The following NMD3 variants were observed in gnomAD, a reference collection of about 807,000 sequenced individuals.
The protein encoded by NMD3 is NMD3 ribosome export adaptor.
Under a neutral mutation model 73.1 loss-of-function variants are expected in NMD3, and 47 were observed. The observed-to-expected ratio is 0.64, with a 90% confidence interval of 0.51 to 0.82. NMD3 has a LOEUF of 0.82. NMD3 is among the 40% of genes least tolerant of loss of function. NMD3 has a pLI of 0.00. For synonymous variants in NMD3, 210 were observed against 194.5 expected (o/e 1.08, Z -0.66); for missense variants, 554 against 612.5 (o/e 0.90, Z 1.01).
chr3:161,250,213 A>G, intron 14 of NMD3, 43 bp from the exon 15 acceptor site: 1 of 1,091,592 alleles, frequency 9.2e-7, no homozygotes, highest in Non-Finnish European at 1.4e-6. Flanking sequence ...AAGAAAATAT[A>G]ACTATATTTT....
chr3:161,235,147 A>C lies in NMD3; in HGVS notation c.512A>C (p.Tyr171Ser). ...ACTTTGCATAAAAAAACTTTCTACT[A>C]TCTGGAACAGTTAATTCTGAAATAT... ...QKTLHKKTFY[Y>S]LEQLILKYGM... Residue 171 changes from tyrosine (Y) to serine (S), a missense_variant, in exon 7 of 16, where the codon TAT becomes TCT. Tyr to Ser is a moderately radical substitution (Grantham distance 144). Coordinates refer to ENST00000351193, the MANE Select transcript of NMD3 (RefSeq NM_015938.5). The C allele has an allele frequency of 1.3e-6, 2 of 1,537,224 alleles. No homozygotes were observed. The highest frequency in any genetic ancestry group is 1.8e-6 in the Non-Finnish European group (2 of 1,123,414).
At chr3:161,235,464 A>G (rs781603731) in intron 7 of NMD3, 1 of 249,488 alleles carries the variant, frequency 4.0e-6, no homozygotes, top group Non-Finnish European at 7.7e-6. Flanking sequence ...TTTTCTGCTA[A>G]TGTCAAACAT....
chr3:161,240,557 C>G lies in NMD3; in HGVS notation c.754-489C>G, dbSNP rs184868801. 5.9e-3 allele frequency among the ~76,000 whole-genome samples: 507 copies of G among 86,142 alleles called. 1 individual carries two copies. The highest frequency in any genetic ancestry group is 8.8e-3 in the Admixed American group (56 of 6,358). The allele number at this position is 86,142 out of a possible 152,430, so 56.5% of individuals were successfully genotyped here. On this transcript the variant is annotated intron_variant, in intron 9 of 15. Transcript: ENST00000351193. ...TTTTTTTTTTTGAGAGACAGTTTTG[C>G]TCTGTCACCTAGGCTAGAGTGCAGT... is the stretch of plus-strand genomic sequence containing the variant.
Position 161,235,389 on chromosome 3 carries a change from C to T in NMD3, c.577+177C>T, listed in dbSNP as rs1172952701. ...TGCACTGTCCAGTATGGTATAGTCA[C>T]TAGCCACATTTGGCTGTTGAGTACT... On this transcript the variant is annotated intron_variant, in intron 7 of 15. Transcript: ENST00000351193. 12 of 359,068 alleles carry T rather than the reference C, an allele frequency of 3.3e-5. No individual in the cohort carries two copies. In the East Asian group the frequency reaches 3.8e-4, roughly 11 times the overall value. 22.2% of individuals were successfully genotyped at this position (359,068 alleles called of 1,614,324 possible).
At chr3:161,242,789 C>G (rs1212408304) in intron 11 of NMD3, 136 bp downstream of exon 11, 5 of 485,450 alleles carry the variant, frequency 1.0e-5, no homozygotes, top group Non-Finnish European at 1.6e-5. Flanking sequence ...GAAAAAAATT[C>G]TTTTTTTTTT....
chr3:161,253,371 A>G (rs1267207136), downstream of NMD3: 1 of 152,162 alleles, frequency 6.6e-6, no homozygotes, highest in African/African-American at 2.4e-5. Context: ...TTTTAAAAAT[A>G]TTTTTAATTA....
intron 4 of NMD3, among the ~76,000 whole-genome samples, chr3:161,228,796 AG>A (rs1207958638): frequency 1.3e-5 from 2 of 152,216 alleles, no homozygotes; most frequent in Non-Finnish European, 2.9e-5. Context: ...CTAACATGCC[AG>A]TGTGGAGCAG....
chr3:161,240,700 T>C (rs1233194742), intron 9 of NMD3, among the ~76,000 whole-genome samples: 1 of 151,352 alleles, frequency 6.6e-6, no homozygotes, highest in Admixed American at 6.6e-5. Flanking sequence ...AATTAAAATA[T>C]ATATATATAT....
chr3:161,221,978 T>TA lies in NMD3; in HGVS notation c.-20-16_-20-15insA. ...ATTCTCTTTTTTTTTTTTTTTTTTTTTTTTTTTTTTAAAAGAACTTAAGGC... is the reference window on the plus strand; with the variant it reads ...ATTCTCTTTTTTTTTTTTTTTTTTTTATTTTTTTTTTAAAAGAACTTAAGGC... On this transcript the variant is annotated splice_polypyrimidine_tract_variant and intron_variant, in intron 1 of 15. Coordinates refer to ENST00000351193, the MANE Select transcript of NMD3 (RefSeq NM_015938.5). 8.0e-7 allele frequency: 1 copy of TA among 1,243,210 alleles called. No homozygotes were observed. Among genetic ancestry groups the TA allele is most frequent in the Middle Eastern group, 2.2e-4 (1 of 4,646 alleles). 77.0% of individuals were successfully genotyped at this position (1,243,210 alleles called of 1,614,324 possible). A position where few individuals can be genotyped will look rare whatever the true frequency, so the allele number is the denominator to read the frequency against.
chr3:161,227,315 T>G lies in NMD3; in HGVS notation c.248T>G (p.Leu83Trp), dbSNP rs374116167. 6 of 1,612,422 alleles carry G rather than the reference T, an allele frequency of 3.7e-6. No homozygotes were observed. Among genetic ancestry groups the G allele is most frequent in the South Asian group, 1.1e-5 (1 of 91,012 alleles). The change falls in exon 4 of 16, where the codon TTG becomes TGG. Residue 83 changes from leucine to tryptophan, a missense_variant. Coordinates refer to ENST00000351193, the MANE Select transcript of NMD3 (RefSeq NM_015938.5). The part of the protein sequence containing the change: ...LESRELLALC[L>W]KKIKAPLSKV... Reference sequence around the variant, plus strand: ...TCCAGGGAACTTCTTGCTTTGTGCTTGAAAAAAATCAAAGCCCCTCTGAGT... The same window carrying G: ...TCCAGGGAACTTCTTGCTTTGTGCTGGAAAAAAATCAAAGCCCCTCTGAGT...
rs375770804 is a variant in NMD3 at position 161,225,070 on chromosome 3, G to A, written c.179+6G>A. On this transcript the variant is annotated splice_donor_region_variant and intron_variant, in intron 3 of 15. Coordinates refer to ENST00000351193, the MANE Select transcript of NMD3 (RefSeq NM_015938.5). ...TTCTGCAAACAATGTCAAAGGTACA[G>A]TGCGGTACAATTTTGCTCTTTTTAA... 6.8e-6 allele frequency: 11 copies of A among 1,606,534 alleles called. No individual in the cohort carries two copies. The African/African-American group carries it at 1.1e-4, about 16-fold the overall frequency.
intron 4 of NMD3, among the ~76,000 whole-genome samples, chr3:161,229,678 A>G (rs1736458694): frequency 6.6e-6 from 1 of 152,220 alleles, no homozygotes; most frequent in African/African-American, 2.4e-5. Context: ...TACATAGAGA[A>G]GGAAAGAAAC....
chr3:161,228,853 A>G (rs1251547237), intron 4 of NMD3, among the ~76,000 whole-genome samples: 2 of 152,190 alleles, frequency 1.3e-5, no homozygotes, highest in Non-Finnish European at 2.9e-5. Context: ...ATTACATGGT[A>G]TATTAAAAGG....
intron 7 of NMD3, among the ~76,000 whole-genome samples, chr3:161,236,207 T>C (rs1012310841): frequency 2.0e-5 from 3 of 152,188 alleles, no homozygotes. Flanking sequence ...TTCATTCTTT[T>C]GGGTACATAC....
At chr3:161,243,683 A>G (rs1203608001) in intron 11 of NMD3, among the ~76,000 whole-genome samples, 1 of 152,054 alleles carries the variant, frequency 6.6e-6, no homozygotes, top group Non-Finnish European at 1.5e-5. Context: ...TTCTTAATTC[A>G]TTGTGTTTCC....
intron 13 of NMD3, among the ~76,000 whole-genome samples, chr3:161,248,755 G>C (rs1275963689): frequency 6.6e-6 from 1 of 152,136 alleles, no homozygotes; most frequent in Non-Finnish European, 1.5e-5. Context: ...AATGAAATTA[G>C]TGTGAAAGAC....
Position 161,247,245 on chromosome 3 carries a change from G to A in NMD3, c.1131-13G>A. The A allele has an allele frequency of 6.3e-7, 1 of 1,588,462 alleles. No homozygotes were observed. The highest frequency in any genetic ancestry group is 8.6e-7 in the Non-Finnish European group (1 of 1,157,354). ...GTAAATGGTCACTAAGTTTTTCATT[G>A]TTTACATTTCAGGTTTGATTTGGCC... On this transcript the variant is annotated splice_polypyrimidine_tract_variant and intron_variant, in intron 12 of 15. Coordinates refer to ENST00000351193, the MANE Select transcript of NMD3 (RefSeq NM_015938.5).
At chr3:161,233,095 CT>C (rs1736601763) in intron 4 of NMD3, among the ~76,000 whole-genome samples, 1 of 146,138 alleles carries the variant, frequency 6.8e-6, no homozygotes. Context: ...ATATAATTTC[CT>C]TTTAAAGGAC....
chr3:161,233,556 T>C, intron 5 of NMD3, 77 bp downstream of exon 5: 1 of 816,282 alleles, frequency 1.2e-6, no homozygotes, highest in Non-Finnish European at 2.0e-6. Context: ...AGTTATTTTA[T>C]GGCTTGAACA....
Sources: allele counts gnomAD v4.1 joint callset (sites outside exome capture counted in the v4.1 genomes callset), GRCh38; gene constraint gnomAD v4.1.1; transcripts MANE v1.5; gene names NCBI Gene and HGNC (gene_info 2026-07-23, HGNC 2026-07-21).